SORCS2: variants seen among roughly 807,000 people sequenced by gnomAD.
The protein encoded by SORCS2 is VPS10 domain-containing receptor SorCS2.
A neutral mutation model predicts 141.6 loss-of-function variants in SORCS2; 100 were observed. The observed-to-expected ratio is 0.71, with a 90% confidence interval of 0.60 to 0.83. The LOEUF is 0.83. Among genes scored for constraint, SORCS2 ranks in the 40% least tolerant of loss-of-function variants. The pLI is 0.00. For missense variants in SORCS2, 1,646 were observed against 1,560.2 expected (o/e 1.05, Z -0.93); for synonymous variants, 789 against 676.9 (o/e 1.17, Z -2.57).
intron 2 of SORCS2, among the ~76,000 whole-genome samples, chr4:7,488,488 G>T (rs1165185565): frequency 6.6e-6 from 1 of 152,144 alleles, no homozygotes; most frequent in African/African-American, 2.4e-5. Flanking sequence ...CTCTACCTGG[G>T]CTCGACACAC....
chr4:7,629,315 A>G (rs572795701), intron 3 of SORCS2, among the ~76,000 whole-genome samples: 4 of 152,342 alleles, frequency 2.6e-5, no homozygotes, highest in African/African-American at 9.6e-5. Context: ...GCCTCCGGGA[A>G]GGGGCTCTCC....
In SORCS2 at chr4:7,301,852, C is replaced by T. The variant is rs73796618; in HGVS notation, c.481-94436C>T. ...AAGGACGGGGTTAACACTAAGGTTC[C>T]GTTCTCCTGCAGGGCTCTTTCTTGG... On this transcript the variant is annotated intron_variant, in intron 1 of 26. Coordinates refer to ENST00000507866, the MANE Select transcript of SORCS2 (RefSeq NM_020777.3). 3.4e-3 allele frequency among the ~76,000 whole-genome samples: 511 copies of T among 152,364 alleles called. 2 individuals are homozygous for T. Among genetic ancestry groups the T allele is most frequent in the African/African-American group, 0.012 (483 of 41,578 alleles).
chr4:7,672,050 T>C (rs980439697), intron 8 of SORCS2, among the ~76,000 whole-genome samples: 40 of 151,622 alleles, frequency 2.6e-4, no homozygotes, highest in African/African-American at 9.7e-4. Flanking sequence ...TTCAAGCAAT[T>C]CTCCTGCCTC....
chr4:7,696,972 C>A (rs1340878274), intron 11 of SORCS2, among the ~76,000 whole-genome samples: 2 of 152,208 alleles, frequency 1.3e-5, no homozygotes, highest in Non-Finnish European at 2.9e-5. Context: ...CTGTCCCGGG[C>A]CTCTGCTGGA....
chr4:7,661,633 C>T (rs372688318), intron 6 of SORCS2, 69 bp downstream of exon 6: 34 of 1,416,794 alleles, frequency 2.4e-5, no homozygotes, highest in African/African-American at 1.0e-4. Flanking sequence ...CTCGGCTGCA[C>T]GTGTGTTCAG....
chr4:7,591,628 A>G (rs1288805755), intron 3 of SORCS2, among the ~76,000 whole-genome samples: 1 of 152,196 alleles, frequency 6.6e-6, no homozygotes, highest in Non-Finnish European at 1.5e-5. Context: ...TCTTGGCAGT[A>G]GCTCTTTTGA....
At chr4:7,578,616 T>C (rs1295374873) in intron 3 of SORCS2, among the ~76,000 whole-genome samples, 1 of 152,246 alleles carries the variant, frequency 6.6e-6, no homozygotes, top group Admixed American at 6.5e-5. Flanking sequence ...GTGTGTCTAA[T>C]GGCAAACAAA....
intron 25 of SORCS2, among the ~76,000 whole-genome samples, chr4:7,735,944 C>T (rs1712132616): frequency 6.6e-6 from 1 of 152,178 alleles, no homozygotes; most frequent in African/African-American, 2.4e-5. Flanking sequence ...CACCCGACTG[C>T]CCTGGAAACA....
chr4:7,425,889 C>G (rs1476708097), intron 2 of SORCS2, among the ~76,000 whole-genome samples: 1 of 152,250 alleles, frequency 6.6e-6, no homozygotes, highest in Non-Finnish European at 1.5e-5. Context: ...CTTCCGGGCC[C>G]TGGCGCTCTC....
intron 2 of SORCS2, among the ~76,000 whole-genome samples, chr4:7,528,283 T>G (rs932046009): frequency 5.9e-5 from 9 of 151,824 alleles, no homozygotes; most frequent in African/African-American, 2.2e-4. Context: ...AATGGGTGAG[T>G]GGGTGAATCA....
rs1365934743 is a variant in SORCS2 at position 7,296,529 on chromosome 4, A to G, written c.481-99759A>G. Among the ~76,000 whole-genome samples, 5 of 152,184 alleles carry G rather than the reference A, an allele frequency of 3.3e-5. 1 individual carries two copies. In the South Asian group the frequency reaches 1.0e-3, roughly 32 times the overall value. On this transcript the variant is annotated intron_variant, in intron 1 of 26. Coordinates refer to ENST00000507866, the MANE Select transcript of SORCS2 (RefSeq NM_020777.3). ...CTCTCCTCTCCCCACCCACCCCACC[A>G]AGGACTCAGGGTTCAGCCCTGGTTG...
intron 4 of SORCS2, among the ~76,000 whole-genome samples, chr4:7,650,992 C>T (rs562782747): frequency 1.3e-5 from 2 of 152,118 alleles, no homozygotes; most frequent in East Asian, 3.8e-4. Flanking sequence ...CAATACAGCC[C>T]CTACCCCCAG....
At chr4:7,733,578 A>G (rs915680592) in intron 24 of SORCS2, among the ~76,000 whole-genome samples, 157 bp downstream of exon 24, 7 of 152,062 alleles carry the variant, frequency 4.6e-5, no homozygotes, top group Non-Finnish European at 1.0e-4. Context: ...GGTCAGACGC[A>G]GGACCGCGCT....
At chr4:7,384,092 G>T (rs1465678596) in intron 1 of SORCS2, among the ~76,000 whole-genome samples, 1 of 152,206 alleles carries the variant, frequency 6.6e-6, no homozygotes, top group African/African-American at 2.4e-5. Flanking sequence ...CAATGCCTGT[G>T]CATGAAGGGC....
At chr4:7,505,518 G>A (rs768394167) in intron 2 of SORCS2, among the ~76,000 whole-genome samples, 4 of 152,166 alleles carry the variant, frequency 2.6e-5, no homozygotes, top group Non-Finnish European at 5.9e-5. Context: ...CCCCCAGTGA[G>A]TCTGGGTGGC....
intron 1 of SORCS2, among the ~76,000 whole-genome samples, chr4:7,285,000 C>A (rs933701142): frequency 6.6e-6 from 1 of 151,232 alleles, no homozygotes; most frequent in East Asian, 1.9e-4. Flanking sequence ...TTAAGACCTA[C>A]CCGCTCACCT....
chr4:7,723,328 C>T (rs1726725301), intron 18 of SORCS2, among the ~76,000 whole-genome samples: 1 of 152,202 alleles, frequency 6.6e-6, no homozygotes, highest in African/African-American at 2.4e-5. Flanking sequence ...GGAGGCCCCT[C>T]ACCTTCCTGG....
At chr4:7,203,505 C>G (rs1475187143) in intron 1 of SORCS2, among the ~76,000 whole-genome samples, 1 of 145,784 alleles carries the variant, frequency 6.9e-6, no homozygotes, top group Non-Finnish European at 1.5e-5. Flanking sequence ...GGCGACAGAG[C>G]AAGACTCTGC....
At chr4:7,338,936 G>T (rs1189959061) in intron 1 of SORCS2, among the ~76,000 whole-genome samples, 5 of 152,294 alleles carry the variant, frequency 3.3e-5, no homozygotes, top group African/African-American at 1.2e-4. Context: ...CCGCACCAGG[G>T]AGCTGTTGGT....
Sources: allele counts gnomAD v4.1 joint callset (sites outside exome capture counted in the v4.1 genomes callset), GRCh38; gene constraint gnomAD v4.1.1; transcripts MANE v1.5; gene names NCBI Gene and HGNC (gene_info 2026-07-23, HGNC 2026-07-21).